The following ATP8A2 variants were observed in gnomAD, a reference collection of about 807,000 sequenced individuals.
ATP8A2 encodes phospholipid-transporting ATPase IB.
In ATP8A2, 100 loss-of-function variants were observed where a neutral mutation model predicts 165.6. That is an observed-to-expected ratio of 0.60 (90% CI 0.51 to 0.71). The LOEUF (loss-of-function observed/expected upper bound fraction) is 0.71. ATP8A2 is among the 30% of genes least tolerant of loss of function. The pLI, the probability that ATP8A2 is intolerant of heterozygous loss-of-function variation, is 0.00. For synonymous variants in ATP8A2, 543 were observed against 548.8 expected (o/e 0.99, Z 0.15); for missense variants, 1,227 against 1,479.5 (o/e 0.83, Z 2.80).
intron 14 of ATP8A2, 70 bp from the exon 15 acceptor site, chr13:25,559,650 TC>T: frequency 1.8e-6 from 2 of 1,093,682 alleles, no homozygotes; most frequent in Non-Finnish European, 1.4e-6. Flanking sequence ...AAGAATTAGA[TC>T]AGTTTTGATC....
chr13:25,484,278 T>C (rs2036288972), intron 2 of ATP8A2, among the ~76,000 whole-genome samples: 1 of 152,192 alleles, frequency 6.6e-6, no homozygotes, highest in African/African-American at 2.4e-5. Context: ...AACCTTAAAC[T>C]TGGTCCACAT....
At chr13:25,904,154 C>T (rs1163970014) in intron 33 of ATP8A2, among the ~76,000 whole-genome samples, 5 of 152,176 alleles carry the variant, frequency 3.3e-5, no homozygotes, top group Non-Finnish European at 7.3e-5. Flanking sequence ...TTCCTCTGAG[C>T]GTCATAGCAC....
chr13:25,997,151 A>G (rs572587547), intron 35 of ATP8A2, among the ~76,000 whole-genome samples: 27 of 152,322 alleles, frequency 1.8e-4, no homozygotes, highest in African/African-American at 6.0e-4. Context: ...TTCCTGTAAG[A>G]TCGTTCTGGT....
chr13:25,804,120 T>C (rs943082285), intron 27 of ATP8A2, among the ~76,000 whole-genome samples: 6 of 152,234 alleles, frequency 3.9e-5, no homozygotes, highest in Non-Finnish European at 8.8e-5. Context: ...ATTGTATACA[T>C]TGGCAAAGCA....
At chr13:25,710,110 A>AT (rs1257031870) in intron 25 of ATP8A2, among the ~76,000 whole-genome samples, 2 of 151,698 alleles carry the variant, frequency 1.3e-5, no homozygotes, top group Admixed American at 6.6e-5. Context: ...GGAGACTTTT[A>AT]TTTTTTTTAA....
chr13:25,378,101 C>A (rs377094395), intron 1 of ATP8A2, among the ~76,000 whole-genome samples: 3 of 151,568 alleles, frequency 2.0e-5, no homozygotes, highest in African/African-American at 4.9e-5. Flanking sequence ...GACAACAGAG[C>A]GAGACCCTTC....
At chr13:25,695,715 C>T (rs556003481) in intron 24 of ATP8A2, among the ~76,000 whole-genome samples, 1 of 152,216 alleles carries the variant, frequency 6.6e-6, no homozygotes, top group Non-Finnish European at 1.5e-5. Context: ...GATTGCAGCA[C>T]ATTGTCACAT....
intron 25 of ATP8A2, among the ~76,000 whole-genome samples, chr13:25,754,108 C>T (rs1463062226): frequency 6.6e-6 from 1 of 152,226 alleles, no homozygotes; most frequent in African/African-American, 2.4e-5. Flanking sequence ...TATCTCTGCA[C>T]ATCTCCCTTA....
chr13:25,632,448 G>A lies in ATP8A2; in HGVS notation c.2211+42749G>A, dbSNP rs150437678. 3.0e-3 allele frequency among the ~76,000 whole-genome samples: 451 copies of A among 152,282 alleles called. 3 individuals are homozygous for A. The highest frequency in any genetic ancestry group is 0.01 in the African/African-American group (426 of 41,564). Reference sequence around the variant, plus strand: ...GGGTAGGGTGACCTAGGGGTCACTGGTAGCCATCTCATTAACATGCGAAAG... The same window carrying A: ...GGGTAGGGTGACCTAGGGGTCACTGATAGCCATCTCATTAACATGCGAAAG... On this transcript the variant is annotated intron_variant, in intron 24 of 36. Transcript: ENST00000381655.
At position 25,860,224 on chromosome 13, in the gene ATP8A2, G is replaced by A. The variant is rs772340886; in HGVS notation, c.2986G>A (p.Asp996Asn). The change falls in exon 31 of 37, where the codon GAC becomes AAC. Residue 996 changes from aspartate (D) to asparagine (N), a missense_variant. Coordinates refer to ENST00000381655, the MANE Select transcript of ATP8A2 (RefSeq NM_016529.6). Reference sequence around the variant, plus strand: ...TGTGTTGACAAGTGGTCATGCTACCGACTATTTATTTGTTGGAAATATTGT... The same window carrying A: ...TGTGTTGACAAGTGGTCATGCTACCAACTATTTATTTGTTGGAAATATTGT... The part of the protein sequence containing the change: ...DTVLTSGHAT[D>N]YLFVGNIVYT... 5.6e-6 allele frequency: 9 copies of A among 1,611,744 alleles called. No individual in the cohort carries two copies. The highest frequency in any genetic ancestry group is 2.7e-5 in the African/African-American group (2 of 74,846).
chr13:25,913,520 T>G (rs997912621), intron 33 of ATP8A2, among the ~76,000 whole-genome samples: 1 of 152,188 alleles, frequency 6.6e-6, no homozygotes, highest in African/African-American at 2.4e-5. Flanking sequence ...TTCTCAAGTT[T>G]ATTAGTTTCT....
chr13:25,802,544 T>G (rs889235833), intron 27 of ATP8A2, among the ~76,000 whole-genome samples: 3 of 152,210 alleles, frequency 2.0e-5, no homozygotes, highest in Admixed American at 2.0e-4. Flanking sequence ...GAACTTTTTC[T>G]CAAATTCAAT....
At chr13:25,590,232 C>T (rs2040033108) in intron 24 of ATP8A2, among the ~76,000 whole-genome samples, 1 of 152,088 alleles carries the variant, frequency 6.6e-6, no homozygotes, top group African/African-American at 2.4e-5. Context: ...CCAGACCAGC[C>T]TAAGCAACAC....
chr13:25,513,406 C>A (rs188085230), intron 2 of ATP8A2, among the ~76,000 whole-genome samples: 3 of 143,098 alleles, frequency 2.1e-5, no homozygotes, highest in Non-Finnish European at 3.2e-5. Flanking sequence ...GGATGGCGGC[C>A]GGGAAGAGGC....
intron 1 of ATP8A2, among the ~76,000 whole-genome samples, chr13:25,446,136 C>T (rs2138216766): frequency 6.6e-6 from 1 of 152,268 alleles, no homozygotes; most frequent in East Asian, 1.9e-4. Flanking sequence ...ACTTCAGTTT[C>T]ACCCTTGGGC....
At chr13:25,648,516 T>A (rs7320164) in intron 24 of ATP8A2, among the ~76,000 whole-genome samples, 5,973 of 152,176 alleles carry the variant, frequency 0.039, 174 homozygotes, top group Non-Finnish European at 0.055. Flanking sequence ...ATACAAAGAT[T>A]AGCTGGGTGT....
rs147284836 is a variant in ATP8A2, at chr13:26,010,227, C to T, written c.3378-2304C>T. ...TGACACAGCTGAGTCTGTTTTCTCA[C>T]CTGCCTGGTGAGAGGCCAACATGTA... On this transcript the variant is annotated intron_variant, in intron 35 of 36. Coordinates refer to ENST00000381655, the MANE Select transcript of ATP8A2 (RefSeq NM_016529.6). Among the ~76,000 whole-genome samples the T allele has an allele frequency of 2.6e-3, 400 of 152,288 alleles. 1 individual carries two copies. The highest frequency in any genetic ancestry group is 8.8e-3 in the African/African-American group (367 of 41,562).
chr13:25,716,777 G>T (rs2043264366), intron 25 of ATP8A2, among the ~76,000 whole-genome samples: 1 of 152,130 alleles, frequency 6.6e-6, no homozygotes, highest in African/African-American at 2.4e-5. Flanking sequence ...CATAGCCCTG[G>T]CCTCATGGAG....
chr13:25,853,396 A>AATAT lies in ATP8A2; in HGVS notation c.2957-6788_2957-6785dup, dbSNP rs1555278503. ...ACAGAGCAAGACTCTATCTAAAAAA[A>AATAT]ATATATATATATATGTATATATATA... On this transcript the variant is annotated intron_variant, in intron 30 of 36. Coordinates refer to ENST00000381655, the MANE Select transcript of ATP8A2 (RefSeq NM_016529.6). Among the ~76,000 whole-genome samples, 220 of 107,850 alleles carry AATAT rather than the reference A, an allele frequency of 2.0e-3. 1 individual carries two copies. Among genetic ancestry groups the AATAT allele is most frequent in the East Asian group, 0.019 (78 of 4,108 alleles). 70.8% of individuals were successfully genotyped at this position (107,850 alleles called of 152,430 possible). A position where few individuals can be genotyped will look rare whatever the true frequency, so the allele number is the denominator to read the frequency against.
Sources: allele counts gnomAD v4.1 joint callset (sites outside exome capture counted in the v4.1 genomes callset), GRCh38; gene constraint gnomAD v4.1.1; transcripts MANE v1.5; gene names NCBI Gene and HGNC (gene_info 2026-07-23, HGNC 2026-07-21).